Variants in DSCAM observed in about 807,000 individuals in gnomAD.
The protein encoded by DSCAM is cell adhesion molecule DSCAM.
DSCAM carries 47 observed loss-of-function variants against 217.7 expected under a neutral mutation model. The observed-to-expected ratio is 0.22, with a 90% CI of 0.17 to 0.28. DSCAM has a LOEUF of 0.28. DSCAM is among the 10% of genes least tolerant of loss of function. The pLI is 1.00. For synonymous variants in DSCAM, 1,056 were observed against 1,015.3 expected (o/e 1.04, Z -0.76); for missense variants, 2,080 against 2,618.3 (o/e 0.79, Z 4.49).
chr21:40,326,418 T>C (rs746271101), intron 8 of DSCAM, among the ~76,000 whole-genome samples: 11 of 152,160 alleles, frequency 7.2e-5, no homozygotes, highest in Non-Finnish European at 1.5e-4. Context: ...GACACATCAG[T>C]GTGTCCTTCA....
At chr21:40,045,774 C>CGAA (rs2088833016) in intron 30 of DSCAM, among the ~76,000 whole-genome samples, 1 of 152,180 alleles carries the variant, frequency 6.6e-6, no homozygotes, top group African/African-American at 2.4e-5. Context: ...TGGGCTCTCA[C>CGAA]GAAGTTTCAA....
intron 20 of DSCAM, among the ~76,000 whole-genome samples, chr21:40,104,323 T>C (rs1715847049): frequency 6.6e-6 from 1 of 152,158 alleles, no homozygotes; most frequent in South Asian, 2.1e-4. Context: ...AAAAATAATA[T>C]ATGCAGAATT....
chr21:40,181,937 G>A (rs554197329), intron 14 of DSCAM, among the ~76,000 whole-genome samples: 71 of 152,044 alleles, frequency 4.7e-4, no homozygotes, highest in South Asian at 1.9e-3. Context: ...GGTGTAGGAG[G>A]ATGGGGCAGT....
intron 1 of DSCAM, among the ~76,000 whole-genome samples, chr21:40,716,987 C>G (rs2090848987): frequency 6.6e-6 from 1 of 152,036 alleles, no homozygotes. Context: ...AAACAACTTT[C>G]CAGAGGAGGA....
intron 3 of DSCAM, among the ~76,000 whole-genome samples, chr21:40,437,223 C>A (rs1166700360): frequency 6.6e-6 from 1 of 152,120 alleles, no homozygotes; most frequent in Non-Finnish European, 1.5e-5. Context: ...GACATGTTCA[C>A]TGTTTGGGTC....
chr21:40,478,779 T>C (rs541361454), intron 3 of DSCAM, among the ~76,000 whole-genome samples: 78 of 152,334 alleles, frequency 5.1e-4, no homozygotes, highest in African/African-American at 1.5e-3. Context: ...AATGGATGCC[T>C]GAAACTTCGG....
At chr21:40,472,934 T>G (rs1190343591) in intron 3 of DSCAM, among the ~76,000 whole-genome samples, 1 of 152,182 alleles carries the variant, frequency 6.6e-6, no homozygotes, top group African/African-American at 2.4e-5. Context: ...AACACAGCTG[T>G]GCACTTCATA....
At chr21:40,395,610 TA>T (rs907067674) in intron 3 of DSCAM, among the ~76,000 whole-genome samples, 6 of 151,390 alleles carry the variant, frequency 4.0e-5, no homozygotes, top group African/African-American at 7.3e-5. Flanking sequence ...TCACAAAACT[TA>T]AAAAAAAATC....
chr21:40,173,302 G>A (rs988203359), intron 15 of DSCAM, among the ~76,000 whole-genome samples: 2 of 152,128 alleles, frequency 1.3e-5, no homozygotes, highest in African/African-American at 4.8e-5. Flanking sequence ...TTGGATTCTT[G>A]GAGAATAATA....
intron 3 of DSCAM, among the ~76,000 whole-genome samples, chr21:40,437,423 T>A (rs1458530812): frequency 6.6e-6 from 1 of 152,180 alleles, no homozygotes; most frequent in African/African-American, 2.4e-5. Flanking sequence ...ATGGGAGAAG[T>A]ATGAAGATTC....
At chr21:40,071,425 CATAAA>C (rs1217563701) in intron 27 of DSCAM, among the ~76,000 whole-genome samples, 2 of 152,146 alleles carry the variant, frequency 1.3e-5, no homozygotes, top group Non-Finnish European at 2.9e-5. Context: ...TAAAATTTTA[CATAAA>C]ATAACATTAT....
At chr21:40,099,325 T>C (rs750811255) in intron 20 of DSCAM, among the ~76,000 whole-genome samples, 19 of 152,238 alleles carry the variant, frequency 1.2e-4, no homozygotes, top group Non-Finnish European at 1.5e-5. Flanking sequence ...ATCATTTATA[T>C]AGAAGACTAA....
Position 40,012,965 on chromosome 21 carries a change from TA to T in DSCAM, c.*68del, listed in dbSNP as rs1043986664. The T allele has an allele frequency of 3.9e-5, 45 of 1,160,226 alleles. No individual in the cohort carries two copies. Among genetic ancestry groups the T allele is most frequent in the African/African-American group, 8.0e-5 (5 of 62,578 alleles). The allele number at this position is 1,160,226 out of a possible 1,614,324, so 71.9% of individuals were successfully genotyped here. Reference sequence around the variant, plus strand: ...TTTAATTATAAATATTGGAATTCCGTAAAAAAAAGGTAGCTTTGATTGAATT... The same window carrying T: ...TTTAATTATAAATATTGGAATTCCGTAAAAAAAGGTAGCTTTGATTGAATT... On this transcript the variant is annotated 3_prime_UTR_variant, in exon 33 of 33. Coordinates refer to ENST00000400454, the MANE Select transcript of DSCAM (RefSeq NM_001389.5).
chr21:40,055,049 C>T (rs1336502385), intron 29 of DSCAM, among the ~76,000 whole-genome samples: 1 of 152,082 alleles, frequency 6.6e-6, no homozygotes, highest in African/African-American at 2.4e-5. Context: ...ATAATCGAGG[C>T]AGGCAGTGTG....
intron 4 of DSCAM, among the ~76,000 whole-genome samples, chr21:40,356,843 G>A (rs2123660031): frequency 6.6e-6 from 1 of 152,338 alleles, no homozygotes; most frequent in East Asian, 1.9e-4. Context: ...TTAAGAGGCT[G>A]TGATTCCGTA....
At chr21:40,626,106 C>T (rs1315522434) in intron 3 of DSCAM, among the ~76,000 whole-genome samples, 1 of 151,886 alleles carries the variant, frequency 6.6e-6, no homozygotes, top group Non-Finnish European at 1.5e-5. Context: ...TAATATAAGA[C>T]CGATTCCTGA....
intron 19 of DSCAM, among the ~76,000 whole-genome samples, chr21:40,131,156 G>A (rs1266009574): frequency 6.6e-6 from 1 of 152,126 alleles, no homozygotes; most frequent in Non-Finnish European, 1.5e-5. Context: ...AAATTACAAA[G>A]CTTTCTCATT....
At chr21:40,478,829 C>T (rs114101363) in intron 3 of DSCAM, among the ~76,000 whole-genome samples, 2,584 of 152,266 alleles carry the variant, frequency 0.017, 73 homozygotes, top group African/African-American at 0.058. Flanking sequence ...TTTTTCTATA[C>T]ATCCACACCT....
intron 3 of DSCAM, among the ~76,000 whole-genome samples, chr21:40,416,939 T>C (rs1366533069): frequency 6.6e-6 from 1 of 152,182 alleles, no homozygotes; most frequent in African/African-American, 2.4e-5. Context: ...ACATCTCATG[T>C]AACTAGCTAT....
Sources: allele counts gnomAD v4.1 joint callset (sites outside exome capture counted in the v4.1 genomes callset), GRCh38; gene constraint gnomAD v4.1.1; transcripts MANE v1.5; gene names NCBI Gene and HGNC (gene_info 2026-07-23, HGNC 2026-07-21).